BIRC6: variants seen among roughly 807,000 people sequenced by gnomAD.
The protein encoded by BIRC6 is baculoviral IAP repeat containing 6, also known as dual E2 ubiquitin-conjugating enzyme/E3 ubiquitin-protein ligase BIRC6.
A neutral mutation model predicts 503.3 loss-of-function variants in BIRC6; 98 were observed. The ratio of observed to expected loss-of-function variants is 0.19; its 90% CI spans 0.17 to 0.23. The LOEUF is 0.23. Ranked by LOEUF, BIRC6 falls within the 10% of genes least tolerant of loss-of-function variation. The pLI, the probability that BIRC6 is intolerant of heterozygous loss-of-function variation, is 1.00. For missense variants in BIRC6, 5,360 were observed against 5,806.0 expected (o/e 0.92, Z 2.50); for synonymous variants, 2,240 against 2,078.7 (o/e 1.08, Z -2.11).
intron 53 of BIRC6, among the ~76,000 whole-genome samples, chr2:32,510,976 T>C (rs17428810): frequency 0.28 from 42,566 of 152,046 alleles, 7,058 homozygotes; most frequent in East Asian, 0.68. Context: ...TCTTAGGTAG[T>C]ACTTTATATG....
In BIRC6 at chr2:32,509,930, A is replaced by C; in HGVS notation, c.10173A>C (p.Arg3391Ser). ...TAAAGATAGGACTGCAGTCTACTAG[A>C]ATTGGCCTGAAGCTCATAGACATTC... ...VLVKIGLQST[R>S]IGLKLIDILL... Residue 3391 changes from arginine (R) to serine (S), a missense_variant, in exon 52 of 74, where the codon AGA (arginine) becomes AGC (serine). Physicochemically the swap from Arg to Ser is moderately radical, Grantham distance 110. Coordinates refer to ENST00000421745, the MANE Select transcript of BIRC6 (RefSeq NM_016252.4). 1.2e-6 allele frequency: 2 copies of C among 1,613,990 alleles called. No homozygotes were observed. The highest frequency in any genetic ancestry group is 1.7e-6 in the Non-Finnish European group (2 of 1,179,884).
chr2:32,608,234 A>G (rs1414409453), intron 72 of BIRC6, among the ~76,000 whole-genome samples: 1 of 151,442 alleles, frequency 6.6e-6, no homozygotes, highest in South Asian at 2.1e-4. Flanking sequence ...TTGAGGCTGC[A>G]GTAAGCTGTG....
intron 9 of BIRC6, among the ~76,000 whole-genome samples, chr2:32,410,256 G>A (rs748967836): frequency 2.0e-5 from 3 of 151,986 alleles, no homozygotes; most frequent in South Asian, 2.1e-4. Flanking sequence ...TCAGTTGATC[G>A]CGCCACTGCA....
chr2:32,583,625 A>G (rs1455772470), intron 66 of BIRC6, among the ~76,000 whole-genome samples: 1 of 152,256 alleles, frequency 6.6e-6, no homozygotes, highest in Non-Finnish European at 1.5e-5. Context: ...GATTTTCTTC[A>G]GAAATTAAAG....
chr2:32,397,561 T>G (rs1315534966), intron 6 of BIRC6, among the ~76,000 whole-genome samples: 2 of 148,534 alleles, frequency 1.3e-5, no homozygotes, highest in Admixed American at 6.7e-5. Flanking sequence ...GGAATTGTCT[T>G]TCCCCGTAAA....
intron 8 of BIRC6, among the ~76,000 whole-genome samples, chr2:32,403,163 C>T (rs115365588): frequency 7.9e-5 from 12 of 152,200 alleles, no homozygotes; most frequent in Non-Finnish European, 1.8e-4. Context: ...AACCTTAAGC[C>T]CCCTCTCTTC....
intron 1 of BIRC6, among the ~76,000 whole-genome samples, chr2:32,364,919 C>G (rs534807907): frequency 1.3e-5 from 2 of 152,182 alleles, no homozygotes; most frequent in African/African-American, 4.8e-5. Context: ...GTAAATGATT[C>G]AAAACAGTTC....
intron 10 of BIRC6, among the ~76,000 whole-genome samples, chr2:32,423,083 GC>G (rs1462975054): frequency 1.3e-5 from 2 of 152,024 alleles, no homozygotes; most frequent in African/African-American, 4.8e-5. Context: ...GGGATTACAG[GC>G]GTCTGGCTAA....
In BIRC6 at chr2:32,528,062, C is replaced by T. The variant is rs1234883673; in HGVS notation, c.11921-1589C>T. 4.6e-5 allele frequency: 7 copies of T among 152,332 alleles called. No homozygotes were observed. In the East Asian group the frequency reaches 1.4e-3, roughly 29 times the overall value. The allele number at this position is 152,332 out of a possible 1,614,324, so 9.4% of individuals were successfully genotyped here. ...CACAAGAACCATTTTTAAAAGCCTT[C>T]CAGCAGAATGTCTCTTCATCCCCCG... On this transcript the variant is annotated intron_variant, in intron 59 of 73. Transcript: ENST00000421745.
At chr2:32,574,640 T>A (rs1334567810) in intron 65 of BIRC6, 1 of 163,266 alleles carries the variant, frequency 6.1e-6, no homozygotes, top group Non-Finnish European at 1.3e-5. Flanking sequence ...GTCTTCATGT[T>A]GAGTAGCCTA....
intron 72 of BIRC6, among the ~76,000 whole-genome samples, chr2:32,610,813 G>A (rs1052664802): frequency 2.2e-4 from 34 of 152,086 alleles, no homozygotes; most frequent in African/African-American, 7.7e-4. Context: ...CTGTCGCCCA[G>A]GCTGGAGTGC....
chr2:32,484,797 A>G (rs1256446683), intron 39 of BIRC6, among the ~76,000 whole-genome samples: 1 of 152,192 alleles, frequency 6.6e-6, no homozygotes, highest in Non-Finnish European at 1.5e-5. Flanking sequence ...CAGCCTTTCA[A>G]GTAGCTGAGA....
chr2:32,369,708 A>C (rs2035500717), intron 1 of BIRC6, among the ~76,000 whole-genome samples: 1 of 151,688 alleles, frequency 6.6e-6, no homozygotes, highest in African/African-American at 2.4e-5. Flanking sequence ...GATTACGGGC[A>C]TGAGCCATCT....
intron 59 of BIRC6, 33 bp downstream of exon 59, chr2:32,525,661 AT>A: frequency 1.3e-6 from 2 of 1,583,998 alleles, no homozygotes; most frequent in East Asian, 2.2e-5. Flanking sequence ...CGTCAAAGAA[AT>A]TTTAGTAGCC....
Position 32,485,724 on chromosome 2 carries a change from C to T in BIRC6, c.7778C>T (p.Ser2593Phe). 6.2e-7 allele frequency: 1 copy of T among 1,613,232 alleles called. No individual in the cohort carries two copies. Among genetic ancestry groups the T allele is most frequent in the Non-Finnish European group, 8.5e-7 (1 of 1,179,302 alleles). ...ATGATGTCTACTCTGGAGGCAGATT[C>T]CATTTTACAGGCATTAACAAATACA... ...LKMMSTLEAD[S>F]ILQALTNTSP... is the part of the protein sequence containing the mutation. Residue 2593 changes from serine (S) to phenylalanine (F), a missense_variant, in exon 40 of 74, where the codon TCC (serine) becomes TTC (phenylalanine). By Grantham distance (155) the Ser-to-Phe change is radical (BLOSUM62 -2). This residue lies in a region of BIRC6 where 2,299 missense variants were observed against 2,267.2 expected (regional missense o/e 1.01). Coordinates refer to ENST00000421745, the MANE Select transcript of BIRC6 (RefSeq NM_016252.4).
chr2:32,547,567 CTGTT>C (rs533002442), intron 63 of BIRC6, among the ~76,000 whole-genome samples: 1 of 152,132 alleles, frequency 6.6e-6, no homozygotes, highest in South Asian at 2.1e-4. Context: ...AATAAATATC[CTGTT>C]TGTTGATCCA....
At chr2:32,450,869 A>T (rs1048529428) in intron 22 of BIRC6, among the ~76,000 whole-genome samples, 1 of 152,206 alleles carries the variant, frequency 6.6e-6, no homozygotes, top group Non-Finnish European at 1.5e-5. Context: ...AGTACTTCTT[A>T]TACTGTATTG....
At chr2:32,596,065 CA>C (rs959766939) in intron 68 of BIRC6, among the ~76,000 whole-genome samples, 7 of 151,756 alleles carry the variant, frequency 4.6e-5, no homozygotes, top group African/African-American at 1.7e-4. Context: ...GTACTAAAAC[CA>C]AATACTTTAT....
At chr2:32,370,214 G>A (rs998901915) in intron 1 of BIRC6, among the ~76,000 whole-genome samples, 3 of 151,682 alleles carry the variant, frequency 2.0e-5, no homozygotes, top group Non-Finnish European at 4.4e-5. Context: ...TATCTTACAC[G>A]GAGTAGTAGG....
Sources: allele counts gnomAD v4.1 joint callset (sites outside exome capture counted in the v4.1 genomes callset), GRCh38; gene constraint gnomAD v4.1.1; regional missense constraint gnomAD v4.1.1; transcripts MANE v1.5; gene names NCBI Gene and HGNC (gene_info 2026-07-23, HGNC 2026-07-21).